The following CPHXL variants were observed in gnomAD, a reference collection of about 807,000 sequenced individuals.
CPHXL encodes cytoplasmic polyadenylated homeobox like, also known as cytoplasmic polyadenylated homeobox-like protein.
At chr16:75,720,050 T>G (rs187838984) in intron 1 of CPHXL, among the ~76,000 whole-genome samples, 139 of 152,172 alleles carry the variant, frequency 9.1e-4, no homozygotes, top group South Asian at 5.4e-3. Context: ...GTCCTGACTG[T>G]TAGAAGGAAA....
intron 1 of CPHXL, among the ~76,000 whole-genome samples, chr16:75,725,328 G>C (rs538679522): frequency 6.6e-6 from 1 of 151,778 alleles, no homozygotes; most frequent in Non-Finnish European, 1.5e-5. Context: ...TCCCTCTGTC[G>C]CCTAGGCTGG....
intron 1 of CPHXL, among the ~76,000 whole-genome samples, chr16:75,725,388 A>T (rs1238803413): frequency 2.0e-5 from 3 of 151,978 alleles, no homozygotes; most frequent in African/African-American, 7.3e-5. Flanking sequence ...TACTGGGTTC[A>T]AGCTATTCTT....
rs544850218 is a variant in CPHXL, at chr16:75,717,190, G to A, written c.219+1075C>T. On this transcript the variant is annotated intron_variant, in intron 2 of 2. Coordinates refer to ENST00000640559, the MANE Select transcript of CPHXL (RefSeq NM_001355613.1). ...AGCTAGCAAGCTGGCCCAAACCACC[G>A]TCACCACCACTAACTACAGCAGCAT... Among the ~76,000 whole-genome samples, 173 of 152,168 alleles carry A rather than the reference G, an allele frequency of 1.1e-3. 1 individual carries two copies. The highest frequency in any genetic ancestry group is 1.4e-3 in the Non-Finnish European group (96 of 67,998).
At chr16:75,716,051 T>TACAACTAAAGAGTGCAATTGTTTGA (rs1959386587) in intron 2 of CPHXL, among the ~76,000 whole-genome samples, 1 of 152,184 alleles carries the variant, frequency 6.6e-6, no homozygotes, top group African/African-American at 2.4e-5. Context: ...GTTCACGGGT[T>TACAACTAAAGAGTGCAATTGTTTGA]ACAACTAAAG....
chr16:75,718,242 T>C (rs1376809448), intron 2 of CPHXL, 23 bp downstream of exon 2: 1 of 398,234 alleles, frequency 2.5e-6, no homozygotes, highest in African/African-American at 2.1e-5. Context: ...CTAGGAAATA[T>C]ACATATGAGG....
intron 1 of CPHXL, among the ~76,000 whole-genome samples, chr16:75,719,554 G>A (rs1452289655): frequency 6.6e-6 from 1 of 151,952 alleles, no homozygotes; most frequent in Admixed American, 6.5e-5. Flanking sequence ...CGAGCCTGGA[G>A]GAGGGGCGCC....
intron 1 of CPHXL, among the ~76,000 whole-genome samples, chr16:75,722,835 G>C (rs939949768): frequency 1.2e-4 from 18 of 152,122 alleles, no homozygotes; most frequent in Non-Finnish European, 2.4e-4. Context: ...GATGAACATT[G>C]ATGCAAAAAT....
At chr16:75,715,270 A>T (rs1405149246) in intron 2 of CPHXL, 48 bp from the exon 3 acceptor site, 1 of 398,436 alleles carries the variant, frequency 2.5e-6, no homozygotes, top group East Asian at 3.6e-5. Flanking sequence ...TTATCTGAAT[A>T]TATTCTTATA....
chr16:75,715,409 G>A (rs2151838142), intron 2 of CPHXL, among the ~76,000 whole-genome samples, 187 bp from the exon 3 acceptor site: 1 of 152,262 alleles, frequency 6.6e-6, no homozygotes, highest in East Asian at 1.9e-4. Flanking sequence ...TGATAACACA[G>A]GTCATGCATT....
Position 75,714,554 on chromosome 16 carries a change from G to A in CPHXL, c.888C>T (p.Cys296=), listed in dbSNP as rs372489404. ...AYGVKKDHCL[C]SFCLSLLGQQ... ...GTCCCAGCAGTGAGAGACAGAATGA[G>A]CAAAGACAATGGTCTTTCTTCACCC... Residue 296 remains cysteine, a synonymous_variant, in exon 3 of 3, where the codon TGC becomes TGT. Coordinates refer to ENST00000640559, the MANE Select transcript of CPHXL (RefSeq NM_001355613.1). 107 of 398,622 alleles carry A rather than the reference G, an allele frequency of 2.7e-4. No homozygotes were observed. The East Asian group carries it at 3.0e-3, about 11-fold the overall frequency. The allele number at this position is 398,622 out of a possible 1,614,324, so 24.7% of individuals were successfully genotyped here.
At chr16:75,720,018 T>A (rs1287574390) in intron 1 of CPHXL, among the ~76,000 whole-genome samples, 1 of 151,998 alleles carries the variant, frequency 6.6e-6, no homozygotes, top group Non-Finnish European at 1.5e-5. Context: ...TCCGGCAAAC[T>A]CCAACAGACC....
At chr16:75,725,601 C>T (rs1410284455) in intron 1 of CPHXL, among the ~76,000 whole-genome samples, 3 of 151,822 alleles carry the variant, frequency 2.0e-5, no homozygotes, top group Admixed American at 1.3e-4. Flanking sequence ...TACAGGCGCC[C>T]GCCACCACAC....
intron 1 of CPHXL, among the ~76,000 whole-genome samples, chr16:75,720,187 T>G (rs572499560): frequency 1.3e-5 from 2 of 152,190 alleles, no homozygotes; most frequent in East Asian, 3.9e-4. Flanking sequence ...ACTCTAAAAA[T>G]CAGAGTGCCT....
At position 75,714,529 on chromosome 16, in the gene CPHXL, G is replaced by T; in HGVS notation, c.913C>A (p.Gln305Lys). The T allele has an allele frequency of 2.5e-6, 1 of 398,630 alleles. No homozygotes were observed. The highest frequency in any genetic ancestry group is 4.4e-6 in the Non-Finnish European group (1 of 226,086). 24.7% of individuals were successfully genotyped at this position (398,630 alleles called of 1,614,324 possible). A position where few individuals can be genotyped will look rare whatever the true frequency, so the allele number is the denominator to read the frequency against. ...LCSFCLSLLG[Q>K]QQQNDWQYHL... The stretch of plus-strand genomic sequence containing the variant: ...TACTGCCAATCATTCTGCTGCTGTT[G>T]TCCCAGCAGTGAGAGACAGAATGAG... Residue 305 changes from glutamine (Q) to lysine (K), a missense_variant, in exon 3 of 3, where the codon CAA becomes AAA. By Grantham distance (53) the Gln-to-Lys change is moderately conservative. Transcript: ENST00000640559.
chr16:75,722,071 A>C (rs1597222341), intron 1 of CPHXL, among the ~76,000 whole-genome samples: 1 of 152,332 alleles, frequency 6.6e-6, no homozygotes, highest in East Asian at 1.9e-4. Flanking sequence ...ACAAAGACCC[A>C]ACATACCAGA....
intron 2 of CPHXL, among the ~76,000 whole-genome samples, chr16:75,715,846 C>T (rs181306215): frequency 1.7e-3 from 254 of 151,646 alleles, no homozygotes; most frequent in Non-Finnish European, 2.8e-3. Context: ...ACAGGAGCAC[C>T]ACCATGCCCG....
At chr16:75,723,767 G>T (rs1457152617) in intron 1 of CPHXL, among the ~76,000 whole-genome samples, 2 of 152,028 alleles carry the variant, frequency 1.3e-5, no homozygotes, top group African/African-American at 4.8e-5. Flanking sequence ...AGTTCATATG[G>T]AACCAAAAAA....
chr16:75,721,747 G>A (rs930204612), intron 1 of CPHXL, among the ~76,000 whole-genome samples: 3 of 152,142 alleles, frequency 2.0e-5, no homozygotes, highest in Non-Finnish European at 2.9e-5. Context: ...TCTGCACCAA[G>A]CGGACCTAAT....
At chr16:75,715,334 C>A in intron 2 of CPHXL, 112 bp from the exon 3 acceptor site, 1 of 397,370 alleles carries the variant, frequency 2.5e-6, no homozygotes, top group Admixed American at 4.4e-5. Flanking sequence ...CAAGCAGAGT[C>A]CCTGACTTGC....
Sources: allele counts gnomAD v4.1 joint callset (sites outside exome capture counted in the v4.1 genomes callset), GRCh38; gene constraint gnomAD v4.1.1; transcripts MANE v1.5; gene names NCBI Gene and HGNC (gene_info 2026-07-23, HGNC 2026-07-21).